MIOS: variants seen among roughly 807,000 people sequenced by gnomAD.
MIOS encodes the protein GATOR2 complex protein MIOS.
A neutral mutation model predicts 96.9 loss-of-function variants in MIOS; 52 were observed. That is an observed-to-expected ratio of 0.54 (90% CI 0.43 to 0.68). The LOEUF is 0.68. Ranked by LOEUF, MIOS falls within the 30% of genes least tolerant of loss-of-function variation. MIOS has a pLI of 0.00. For missense variants in MIOS, 1,005 were observed against 1,052.8 expected, an observed-to-expected ratio of 0.95 and a Z score of 0.63; for synonymous variants, 397 against 359.5, an observed-to-expected ratio of 1.10 and a Z score of -1.18.
intron 6 of MIOS, among the ~76,000 whole-genome samples, chr7:7,584,578 G>A (rs1413311088): frequency 6.6e-6 from 1 of 152,040 alleles, no homozygotes; most frequent in East Asian, 1.9e-4. Flanking sequence ...TAAATCTAAT[G>A]TATTAGGCAA....
intron 11 of MIOS, among the ~76,000 whole-genome samples, chr7:7,602,879 C>T (rs951153217): frequency 3.3e-5 from 5 of 152,176 alleles, no homozygotes; most frequent in East Asian, 1.9e-4. Flanking sequence ...GAGATATAGA[C>T]CAATGGAACG....
chr7:7,568,337 T>C (rs911715268), intron 3 of MIOS, among the ~76,000 whole-genome samples: 4 of 152,216 alleles, frequency 2.6e-5, no homozygotes, highest in African/African-American at 9.6e-5. Flanking sequence ...CTCGGTTTTA[T>C]GGTTTTGGAG....
At chr7:7,569,518 G>A (rs1426230573) in intron 3 of MIOS, among the ~76,000 whole-genome samples, 1 of 152,202 alleles carries the variant, frequency 6.6e-6, no homozygotes, top group African/African-American at 2.4e-5. Flanking sequence ...CTTGGAGATA[G>A]CAGTTGTGAG....
rs375718018 is a variant in MIOS at position 7,591,998 on chromosome 7, T to A, written c.2043+2435T>A. Among the ~76,000 whole-genome samples the A allele has an allele frequency of 2.6e-3, 332 of 128,260 alleles. 3 individuals carry two copies. The highest frequency in any genetic ancestry group is 5.0e-3 in the South Asian group (20 of 4,028). The allele number at this position is 128,260 out of a possible 152,430, so 84.1% of individuals were successfully genotyped here. ...CAAATTGGTTAATTTTTTTTTTTTTTAAGACAGAGTCTTGCTGTGTCACGC... is the reference window on the plus strand; with the variant it reads ...CAAATTGGTTAATTTTTTTTTTTTTAAAGACAGAGTCTTGCTGTGTCACGC... On this transcript the variant is annotated intron_variant, in intron 9 of 12. Coordinates refer to ENST00000340080, the MANE Select transcript of MIOS (RefSeq NM_019005.4).
intron 7 of MIOS, among the ~76,000 whole-genome samples, chr7:7,586,103 C>T (rs1294997955): frequency 3.3e-5 from 5 of 151,844 alleles, no homozygotes; most frequent in Non-Finnish European, 2.9e-5. Context: ...TAGAAATCTA[C>T]AGCTGTGTAA....
chr7:7,600,437 CAG>C (rs1259061905), intron 11 of MIOS, among the ~76,000 whole-genome samples: 3 of 152,108 alleles, frequency 2.0e-5, no homozygotes, highest in Non-Finnish European at 4.4e-5. Context: ...TCAGATAAAA[CAG>C]AGTTTAAACC....
chr7:7,603,047 T>A (rs1784425156), intron 11 of MIOS, among the ~76,000 whole-genome samples: 1 of 150,542 alleles, frequency 6.6e-6, no homozygotes. Context: ...ATCCCTTCCT[T>A]ACACCTTATA....
At chr7:7,583,819 C>T (rs1310378991) in intron 6 of MIOS, among the ~76,000 whole-genome samples, 1 of 152,034 alleles carries the variant, frequency 6.6e-6, no homozygotes, top group Non-Finnish European at 1.5e-5. Flanking sequence ...TTTATTTAGG[C>T]TAATACAAAT....
At position 7,574,138 on chromosome 7, in the gene MIOS, A is replaced by T; in HGVS notation, c.1335A>T (p.Pro445=). 6.2e-7 allele frequency: 1 copy of T among 1,611,202 alleles called. No homozygotes were observed. The highest frequency in any genetic ancestry group is 8.5e-7 in the Non-Finnish European group (1 of 1,178,372). Residue 445 remains proline (P), a synonymous_variant, in exon 5 of 13, where the codon CCA becomes CCT. Coordinates refer to ENST00000340080, the MANE Select transcript of MIOS (RefSeq NM_019005.4). ...CAGAAGATATGGATCAGAAATCTCC[A>T]GGCAACAAAGGATCATTGGTTTATG... The part of the protein sequence containing the change: ...QYTEDMDQKS[P]GNKGSLVYAG...
Position 7,572,286 on chromosome 7 carries a change from G to C in MIOS, c.-40-150G>C, listed in dbSNP as rs1372867834. On this transcript the variant is annotated intron_variant, in intron 3 of 12. Transcript: ENST00000340080. The surrounding 1 kb of genome is among the most constrained non-coding windows in gnomAD (Gnocchi z 4.8). ...CTTTTTTTTCAATAAATATTTTCTT[G>C]AATTCATAGCAGATAGAGAGAAGAA... 4.6e-6 allele frequency: 2 copies of C among 439,336 alleles called. No homozygotes were observed. The highest frequency in any genetic ancestry group is 4.1e-5 in the African/African-American group (2 of 48,932). The allele number at this position is 439,336 out of a possible 1,614,324, so 27.2% of individuals were successfully genotyped here. A position where few individuals can be genotyped will look rare whatever the true frequency, so the allele number is the denominator to read the frequency against.
intron 5 of MIOS, among the ~76,000 whole-genome samples, chr7:7,581,255 C>T (rs1374775078): frequency 6.7e-6 from 1 of 149,158 alleles, no homozygotes; most frequent in African/African-American, 2.5e-5. Flanking sequence ...GAGCTGAGAT[C>T]GTGTGCCATT....
chr7:7,589,635 AAT>A, intron 9 of MIOS, 72 bp downstream of exon 9: 1 of 1,492,454 alleles, frequency 6.7e-7, no homozygotes, highest in Non-Finnish European at 9.1e-7. Context: ...GTTGAAAGTA[AAT>A]ATGCACTTTT....
rs372634070 is a variant in MIOS at position 7,597,517 on chromosome 7, T to TATATATATATATATATATATATAAAA, written c.2401+1056_2401+1057insATATATATATATATATATATATAAAA. Among the ~76,000 whole-genome samples the TATATATATATATATATATATATAAAA allele has an allele frequency of 5.7e-5, 4 of 70,444 alleles. 1 individual carries two copies. Among genetic ancestry groups the TATATATATATATATATATATATAAAA allele is most frequent in the Non-Finnish European group, 1.1e-4 (4 of 36,496 alleles). The allele number at this position is 70,444 out of a possible 152,430, so 46.2% of individuals were successfully genotyped here. A position where few individuals can be genotyped will look rare whatever the true frequency, so the allele number is the denominator to read the frequency against. On this transcript the variant is annotated intron_variant, in intron 11 of 12. Transcript: ENST00000340080. Reference sequence around the variant, plus strand: ...ATATATATATATATATATATATATATGAAGGCAATACGTAATGTTTTAAAT... The same window carrying TATATATATATATATATATATATAAAA: ...ATATATATATATATATATATATATATATATATATATATATATATATATAAAAGAAGGCAATACGTAATGTTTTAAAT...
Position 7,572,225 on chromosome 7 carries a change from A to G in MIOS, c.-40-211A>G, listed in dbSNP as rs113885338. On this transcript the variant is annotated intron_variant, in intron 3 of 12. Transcript: ENST00000340080. The surrounding 1 kb of genome is among the most constrained non-coding windows in gnomAD (Gnocchi z 4.8). ...GCCAGGATGGGATTCTCAGATTCCT[A>G]CCAGCTCATTTTATTGGAAGTGGTT... Among the ~76,000 whole-genome samples the G allele has an allele frequency of 2.6e-5, 4 of 152,218 alleles. No individual in the cohort carries two copies. Among genetic ancestry groups the G allele is most frequent in the African/African-American group, 9.6e-5 (4 of 41,452 alleles).
chr7:7,586,250 A>G (rs1438025994), intron 7 of MIOS, among the ~76,000 whole-genome samples: 2 of 152,032 alleles, frequency 1.3e-5, no homozygotes, highest in Non-Finnish European at 2.9e-5. Context: ...GTGGCCATAC[A>G]TCTTGTCCCA....
chr7:7,580,571 T>C (rs1280561249), intron 5 of MIOS, among the ~76,000 whole-genome samples: 2 of 152,294 alleles, frequency 1.3e-5, no homozygotes, highest in African/African-American at 2.4e-5. Flanking sequence ...ATTTAAAATA[T>C]GTACTAACAT....
intron 11 of MIOS, among the ~76,000 whole-genome samples, chr7:7,598,709 C>T (rs185803391): frequency 6.6e-6 from 1 of 152,136 alleles, no homozygotes; most frequent in Non-Finnish European, 1.5e-5. Flanking sequence ...TGCATTCTTA[C>T]ACCTGGGCAC....
chr7:7,585,565 T>C, intron 6 of MIOS, 71 bp from the exon 7 acceptor site: 1 of 1,332,794 alleles, frequency 7.5e-7, no homozygotes, highest in Non-Finnish European at 1.0e-6. Context: ...TTTCTATTTA[T>C]GGTTTAAGAA....
rs1051565886 is a variant in MIOS, at chr7:7,568,080, C to T, written c.-84C>T. On this transcript the variant is annotated 5_prime_UTR_variant, in exon 3 of 13. Coordinates refer to ENST00000340080, the MANE Select transcript of MIOS (RefSeq NM_019005.4). ...ACAGAATCAGCATGGCTTTCCTTTG[C>T]TGAGAAATCACTGATGGGAAGTGAG... 2 of 152,176 alleles carry T rather than the reference C, an allele frequency of 1.3e-5. No homozygotes were observed. Among genetic ancestry groups the T allele is most frequent in the Non-Finnish European group, 2.9e-5 (2 of 68,042 alleles). 9.4% of individuals were successfully genotyped at this position (152,176 alleles called of 1,614,324 possible). A position where few individuals can be genotyped will look rare whatever the true frequency, so the allele number is the denominator to read the frequency against.
Sources: gnomAD v4.1 joint callset for allele counts (sites outside exome capture counted in the v4.1 genomes callset) on GRCh38, gnomAD v4.1.1 for gene constraint, Gnocchi (gnomAD v3.1) non-coding constraint, MANE v1.5 for transcripts, NCBI Gene and HGNC (gene_info 2026-07-23, HGNC 2026-07-21) for gene names.